The following YEATS2 variants were observed in gnomAD, a reference collection of about 807,000 sequenced individuals.
YEATS2 encodes YEATS domain containing 2.
A neutral mutation model predicts 163.2 loss-of-function variants in YEATS2; 77 were observed. The ratio of observed to expected loss-of-function variants is 0.47; its 90% CI spans 0.39 to 0.57. The LOEUF (loss-of-function observed/expected upper bound fraction) is 0.57. YEATS2 is among the 20% of genes least tolerant of loss of function. The pLI is 0.00. For missense variants in YEATS2, 1,549 were observed against 1,729.8 expected, an observed-to-expected ratio of 0.90 and a Z score of 1.85; for synonymous variants, 631 against 645.1, an observed-to-expected ratio of 0.98 and a Z score of 0.33.
intron 9 of YEATS2, among the ~76,000 whole-genome samples, chr3:183,750,218 C>T (rs1339750069): frequency 7.2e-5 from 11 of 152,244 alleles, no homozygotes; most frequent in African/African-American, 2.7e-4. Flanking sequence ...CTTGGCCCCC[C>T]AAAGTGTTGG....
intron 25 of YEATS2, 31 bp downstream of exon 25, chr3:183,801,559 A>C (rs745354822): frequency 6.5e-7 from 1 of 1,535,656 alleles, no homozygotes. Flanking sequence ...ATAGGGGTGC[A>C]TTTTTGAAAG....
At chr3:183,802,956 G>A (rs543174580) in intron 25 of YEATS2, 6 of 294,384 alleles carry the variant, frequency 2.0e-5, no homozygotes, top group Admixed American at 4.8e-5. Flanking sequence ...AGTTAATGGC[G>A]GGTCCAGGGC....
chr3:183,734,876 C>T (rs1000318951), intron 7 of YEATS2, among the ~76,000 whole-genome samples: 1 of 152,116 alleles, frequency 6.6e-6, no homozygotes, highest in Non-Finnish European at 1.5e-5. Flanking sequence ...TTTATTTCAC[C>T]TTCTATGAGG....
intron 18 of YEATS2, among the ~76,000 whole-genome samples, chr3:183,776,926 T>TG (rs1723059150): frequency 2.1e-5 from 3 of 145,350 alleles, no homozygotes; most frequent in Non-Finnish European, 4.5e-5. Flanking sequence ...TACTCCAGCC[T>TG]GGGGGAAAAG....
At position 183,717,788 on chromosome 3, in the gene YEATS2, GA is replaced by G. The variant is rs780449427; in HGVS notation, c.198+47del. 13 of 1,228,142 alleles carry G rather than the reference GA, an allele frequency of 1.1e-5. No individual in the cohort carries two copies. The East Asian group carries it at 2.1e-4, about 20-fold the overall frequency. 76.1% of individuals were successfully genotyped at this position (1,228,142 alleles called of 1,614,324 possible). The stretch of plus-strand genomic sequence containing the variant: ...AATTGAAATAAACACCAAAGCTATT[GA>G]AAAAAATGTATACATGATTGAAAAA... On this transcript the variant is annotated intron_variant, in intron 3 of 30. Transcript: ENST00000305135.
chr3:183,711,888 C>T (rs894967228), intron 1 of YEATS2, among the ~76,000 whole-genome samples: 4 of 151,346 alleles, frequency 2.6e-5, no homozygotes, highest in African/African-American at 7.3e-5. Context: ...GGCATGATCT[C>T]GGCTCACTGC....
intron 29 of YEATS2, chr3:183,808,881 G>T: frequency 4.0e-6 from 2 of 505,266 alleles, no homozygotes; most frequent in Non-Finnish European, 7.1e-6. Flanking sequence ...ATAGAATAAT[G>T]TCTGATTAAT....
chr3:183,734,951 G>A (rs1194171780), intron 7 of YEATS2, among the ~76,000 whole-genome samples: 1 of 152,156 alleles, frequency 6.6e-6, no homozygotes, highest in Non-Finnish European at 1.5e-5. Context: ...AACGTCTTTT[G>A]AAGTATACCA....
rs748859537 is a variant in YEATS2, at chr3:183,808,014, T to C, written c.4012-16T>C. The C allele has an allele frequency of 1.3e-6, 2 of 1,554,962 alleles. No individual in the cohort carries two copies. Among genetic ancestry groups the C allele is most frequent in the Admixed American group, 3.9e-5 (2 of 51,638 alleles). On this transcript the variant is annotated splice_polypyrimidine_tract_variant and intron_variant, in intron 28 of 30. Coordinates refer to ENST00000305135, the MANE Select transcript of YEATS2 (RefSeq NM_018023.5). ...AAGCAGCGATACGAACAAACGGCTT[T>C]CTTCTGCTTTTCCAGATTGGGATCA...
At chr3:183,772,023 G>A (rs1034941110) in intron 15 of YEATS2, among the ~76,000 whole-genome samples, 7 of 151,874 alleles carry the variant, frequency 4.6e-5, no homozygotes, top group Admixed American at 1.3e-4. Flanking sequence ...CACCACGCCC[G>A]GCCAAACTTT....
Position 183,752,147 on chromosome 3 carries a change from C to T in YEATS2, c.1044C>T (p.Ile348=). The T allele has an allele frequency of 6.2e-7, 1 of 1,614,166 alleles. No homozygotes were observed. The highest frequency in any genetic ancestry group is 8.5e-7 in the Non-Finnish European group (1 of 1,180,022). ...CIYPQSSESD[I]SDAPPSLPLT... Reference sequence around the variant, plus strand: ...ATCCTCAGTCCTCGGAGTCTGACATCTCTGATGCCCCTCCATCTTTGCCTT... The same window carrying T: ...ATCCTCAGTCCTCGGAGTCTGACATTTCTGATGCCCCTCCATCTTTGCCTT... The change falls in exon 10 of 31, where the codon ATC becomes ATT. Residue 348 remains isoleucine (I), a synonymous_variant. Transcript: ENST00000305135.
intron 17 of YEATS2, 111 bp downstream of exon 17, chr3:183,773,905 G>T (rs548540971): frequency 1.6e-4 from 198 of 1,273,632 alleles, no homozygotes; most frequent in Non-Finnish European, 2.0e-4. Flanking sequence ...CTGTAACTCT[G>T]TTGGGTGGTG....
chr3:183,728,810 C>A lies in YEATS2; in HGVS notation c.771C>A (p.Phe257Leu). 1 of 1,614,110 alleles carries A rather than the reference C, an allele frequency of 6.2e-7. No homozygotes were observed. Among genetic ancestry groups the A allele is most frequent in the Non-Finnish European group, 8.5e-7 (1 of 1,180,006 alleles). Residue 257 changes from phenylalanine to leucine, a missense_variant, in exon 7 of 31, where the codon TTC becomes TTA. Coordinates refer to ENST00000305135, the MANE Select transcript of YEATS2 (RefSeq NM_018023.5). ...ATTTTGTCAAGAAGGTTTGGTTCTT[C>A]CTTCATCCTAGCTATAAACCAAATG... ...INHFVKKVWF[F>L]LHPSYKPNDL...
At chr3:183,729,728 G>C (rs961969163) in intron 7 of YEATS2, among the ~76,000 whole-genome samples, 5 of 151,582 alleles carry the variant, frequency 3.3e-5, no homozygotes, top group African/African-American at 1.2e-4. Flanking sequence ...CTAGAGTGCA[G>C]TGGTGTGCTG....
rs1726714596 is a variant in YEATS2 at position 183,810,610 on chromosome 3, G to A, written c.*27G>A. On this transcript the variant is annotated 3_prime_UTR_variant, in exon 31 of 31. Transcript: ENST00000305135. ...CGGAGTGAGGTGCCCTGGAGAAGCA[G>A]GCTTTGAAGGCACAGCGAAGCTGTA... 1 of 1,599,712 alleles carries A rather than the reference G, an allele frequency of 6.3e-7. No homozygotes were observed. The highest frequency in any genetic ancestry group is 2.2e-5 in the East Asian group (1 of 44,736).
intron 19 of YEATS2, 64 bp downstream of exon 19, chr3:183,777,764 A>G: frequency 1.3e-6 from 2 of 1,537,020 alleles, no homozygotes; most frequent in South Asian, 2.4e-5. Flanking sequence ...ACATATTTAC[A>G]TGTAGTTTCT....
At chr3:183,769,131 A>C (rs951125170) in intron 15 of YEATS2, among the ~76,000 whole-genome samples, 2 of 152,336 alleles carry the variant, frequency 1.3e-5, no homozygotes, top group South Asian at 4.1e-4. Context: ...CTCCTTAAAC[A>C]TACAGAAAAG....
intron 15 of YEATS2, among the ~76,000 whole-genome samples, 198 bp from the exon 16 acceptor site, chr3:183,772,107 A>G (rs775948869): frequency 1.2e-4 from 18 of 152,112 alleles, no homozygotes; most frequent in Admixed American, 2.6e-4. Flanking sequence ...CAAGACAACA[A>G]TTGTTAAGCT....
chr3:183,751,155 T>C (rs1388653869), intron 9 of YEATS2, among the ~76,000 whole-genome samples: 2 of 152,234 alleles, frequency 1.3e-5, no homozygotes, highest in South Asian at 2.1e-4. Context: ...TTGCATTCTT[T>C]GGCATATGGA....
Sources: gnomAD v4.1 joint callset for allele counts (sites outside exome capture counted in the v4.1 genomes callset) on GRCh38, gnomAD v4.1.1 for gene constraint, MANE v1.5 for transcripts, NCBI Gene and HGNC (gene_info 2026-07-23, HGNC 2026-07-21) for gene names.